The following TPCN1 variants were observed in gnomAD, a reference collection of about 807,000 sequenced individuals.
The protein encoded by TPCN1 is two pore channel protein 1.
In TPCN1, 52 loss-of-function variants were observed where a neutral mutation model predicts 108.8. That is an observed-to-expected ratio of 0.48 (90% CI 0.38 to 0.60). TPCN1 has a LOEUF of 0.60. Among genes scored for constraint, TPCN1 ranks in the 20% least tolerant of loss-of-function variants. TPCN1 has a pLI of 0.00. For missense variants in TPCN1, 806 were observed against 1,072.8 expected (o/e 0.75, Z 3.47); for synonymous variants, 446 against 433.7 (o/e 1.03, Z -0.35).
intron 14 of TPCN1, 68 bp downstream of exon 14, chr12:113,278,903 TA>T: frequency 1.4e-6 from 2 of 1,436,160 alleles, no homozygotes; most frequent in Non-Finnish European, 2.0e-6. Flanking sequence ...AGACCACAGA[TA>T]AGCGTCTGAG....
At chr12:113,252,681 A>G (rs776732665) in intron 2 of TPCN1, among the ~76,000 whole-genome samples, 3 of 152,202 alleles carry the variant, frequency 2.0e-5, no homozygotes, top group Non-Finnish European at 4.4e-5. Flanking sequence ...CGTGGAGGAC[A>G]GGGCATGGGC....
chr12:113,270,996 G>C (rs532000487), intron 7 of TPCN1, among the ~76,000 whole-genome samples: 1 of 152,128 alleles, frequency 6.6e-6, no homozygotes, highest in African/African-American at 2.4e-5. Flanking sequence ...GGTGTCCCAC[G>C]CTGATTGTCG....
In TPCN1 at chr12:113,297,885, G is replaced by A. The variant is rs1374909842; in HGVS notation, c.*1809G>A. 1 of 152,294 alleles carries A rather than the reference G, an allele frequency of 6.6e-6. No homozygotes were observed. Among genetic ancestry groups the A allele is most frequent in the East Asian group, 1.9e-4 (1 of 5,194 alleles). 9.4% of individuals were successfully genotyped at this position (152,294 alleles called of 1,614,324 possible). On this transcript the variant is annotated 3_prime_UTR_variant, in exon 28 of 28. Transcript: ENST00000335509. The surrounding 1 kb of genome is among the most constrained non-coding windows in gnomAD (Gnocchi z 4.4). ...TGGGCGTTTTGGAAGCAAGGGTCAG[G>A]GGACAGCTTCTAAAGGTGTGAGTCT...
At chr12:113,283,351 G>C (rs1955957593) in intron 15 of TPCN1, among the ~76,000 whole-genome samples, 2 of 152,202 alleles carry the variant, frequency 1.3e-5, no homozygotes, top group African/African-American at 4.8e-5. Flanking sequence ...ATGTAGAAAT[G>C]AGGCTGGGTG....
rs753779603 is a variant in TPCN1, at chr12:113,290,956, C to T, written c.1917C>T (p.Thr639=). 2 of 1,613,770 alleles carry T rather than the reference C, an allele frequency of 1.2e-6. No individual in the cohort carries two copies. Among genetic ancestry groups the T allele is most frequent in the African/African-American group, 1.3e-5 (1 of 75,016 alleles). Residue 639 remains threonine, a synonymous_variant, in exon 23 of 28, where the codon ACC becomes ACT. Coordinates refer to ENST00000335509, the MANE Select transcript of TPCN1 (RefSeq NM_017901.6). ...CTTTCTCTCTTCCCTCGGCAGTGAC[C>T]CTGTTTGAGCTCACAGTTGTCAACA... The part of the protein sequence containing the change: ...NFDNILNSFV[T]LFELTVVNNW...
chr12:113,260,375 C>T lies in TPCN1; in HGVS notation c.120C>T (p.Gly40=). ...TCTCCTCTTCCAATGCAGATGGCGG[C>T]AGCTATGCCATCCACGACTCCCAGG... The part of the protein sequence containing the change: ...GQEELPSKNG[G]SYAIHDSQAP... The change falls in exon 3 of 28, where the codon GGC becomes GGT. Residue 40 remains glycine, a synonymous_variant. Coordinates refer to ENST00000335509, the MANE Select transcript of TPCN1 (RefSeq NM_017901.6). 1 of 1,497,086 alleles carries T rather than the reference C, an allele frequency of 6.7e-7. No individual in the cohort carries two copies. The highest frequency in any genetic ancestry group is 8.9e-7 in the Non-Finnish European group (1 of 1,126,362). The allele number at this position is 1,497,086 out of a possible 1,614,324, so 92.7% of individuals were successfully genotyped here. A position where few individuals can be genotyped will look rare whatever the true frequency, so the allele number is the denominator to read the frequency against.
At chr12:113,235,293 T>C (rs947364649) in intron 2 of TPCN1, among the ~76,000 whole-genome samples, 22 of 152,224 alleles carry the variant, frequency 1.4e-4, no homozygotes, top group African/African-American at 5.3e-4. Context: ...TCCTGGTGAT[T>C]CTTTCCTTCT....
intron 2 of TPCN1, among the ~76,000 whole-genome samples, chr12:113,249,178 A>G (rs1954528944): frequency 6.6e-6 from 1 of 152,194 alleles, no homozygotes; most frequent in Non-Finnish European, 1.5e-5. Flanking sequence ...CTTGTGGCCC[A>G]TAAGAGTGCA....
rs764265737 is a variant in TPCN1 at position 113,278,255 on chromosome 12, A to G, written c.1233+18A>G. On this transcript the variant is annotated intron_variant, in intron 13 of 27. Transcript: ENST00000335509. ...AGTGGAAGGTGAGTTCTTCTCTGAG[A>G]CCATAGAAGGAGTAGACAGAGAGGT... 1 of 1,611,928 alleles carries G rather than the reference A, an allele frequency of 6.2e-7. No individual in the cohort carries two copies. The highest frequency in any genetic ancestry group is 2.2e-5 in the East Asian group (1 of 44,836).
Position 113,268,624 on chromosome 12 carries a change from AGAG to A in TPCN1, c.529-114_529-112del. The A allele has an allele frequency of 7.7e-7, 1 of 1,304,568 alleles. No individual in the cohort carries two copies. Among genetic ancestry groups the A allele is most frequent in the Non-Finnish European group, 1.1e-6 (1 of 946,052 alleles). The allele number at this position is 1,304,568 out of a possible 1,614,324, so 80.8% of individuals were successfully genotyped here. A position where few individuals can be genotyped will look rare whatever the true frequency, so the allele number is the denominator to read the frequency against. On this transcript the variant is annotated intron_variant, in intron 5 of 27. Transcript: ENST00000335509. The surrounding 1 kb of genome is among the most constrained non-coding windows in gnomAD (Gnocchi z 7.3). Reference sequence around the variant, plus strand: ...GGCAGGAAGTGTGAGAGGGCTGGAGAGAGGAGAAGGCCTCCCGAGGCCAGAGTG... The same window carrying A: ...GGCAGGAAGTGTGAGAGGGCTGGAGAGAGAAGGCCTCCCGAGGCCAGAGTG...
rs1309159961 is a variant in TPCN1 at position 113,296,825 on chromosome 12, G to C, written c.*749G>C. On this transcript the variant is annotated 3_prime_UTR_variant, in exon 28 of 28. Coordinates refer to ENST00000335509, the MANE Select transcript of TPCN1 (RefSeq NM_017901.6). ...GGGGACCCAGAACCCGGAGGAAGGG[G>C]CATGAGGCAGGAAGTGGGGCCGATG... The C allele has an allele frequency of 6.6e-6, 1 of 152,326 alleles. No individual in the cohort carries two copies. Among genetic ancestry groups the C allele is most frequent in the African/African-American group, 2.4e-5 (1 of 41,474 alleles). The allele number at this position is 152,326 out of a possible 1,614,324, so 9.4% of individuals were successfully genotyped here. A position where few individuals can be genotyped will look rare whatever the true frequency, so the allele number is the denominator to read the frequency against.
intron 25 of TPCN1, chr12:113,292,658 A>G (rs1413451090): frequency 5.5e-6 from 2 of 365,130 alleles, no homozygotes; most frequent in Non-Finnish European, 9.9e-6. Context: ...TCTCTGTGCT[A>G]TCAGACCATC....
intron 15 of TPCN1, 188 bp downstream of exon 15, chr12:113,280,383 C>T: frequency 2.1e-6 from 1 of 483,654 alleles, no homozygotes; most frequent in Non-Finnish European, 3.7e-6. Context: ...CCATCTGTAT[C>T]TTCACTCCGG....
At chr12:113,275,003 T>C (rs1351281594) in intron 10 of TPCN1, among the ~76,000 whole-genome samples, 1 of 152,224 alleles carries the variant, frequency 6.6e-6, no homozygotes, top group Admixed American at 6.5e-5. Context: ...TGTGGAGGTG[T>C]GGACAGCCTC....
At chr12:113,274,433 A>T (rs1280419309) in intron 10 of TPCN1, among the ~76,000 whole-genome samples, 1 of 152,066 alleles carries the variant, frequency 6.6e-6, no homozygotes, top group Non-Finnish European at 1.5e-5. Context: ...GGGCAACAGC[A>T]CGAGACTCTG....
intron 14 of TPCN1, among the ~76,000 whole-genome samples, chr12:113,279,658 C>T: frequency 6.6e-6 from 1 of 151,838 alleles, no homozygotes; most frequent in Non-Finnish European, 1.5e-5. Flanking sequence ...CCCACCTCGG[C>T]CTCCCAAAGG....
In TPCN1 at chr12:113,288,305, G is replaced by T; in HGVS notation, c.1706+71G>T. Reference sequence around the variant, plus strand: ...GCAGTGCCCCGTGGGGGCGGGAGCCGAGTGGCAGTCGGGGGAAAGGAGTTC... The same window carrying T: ...GCAGTGCCCCGTGGGGGCGGGAGCCTAGTGGCAGTCGGGGGAAAGGAGTTC... On this transcript the variant is annotated intron_variant, in intron 20 of 27. Transcript: ENST00000335509. This position sits in a 1 kb window ranked among gnomAD's most constrained non-coding sequence, Gnocchi z 4.8. 1.2e-6 allele frequency: 2 copies of T among 1,604,752 alleles called. No individual in the cohort carries two copies. Among genetic ancestry groups the T allele is most frequent in the East Asian group, 2.3e-5 (1 of 44,422 alleles).
chr12:113,292,972 G>A lies in TPCN1; in HGVS notation c.2152G>A (p.Glu718Lys). 6.2e-7 allele frequency: 1 copy of A among 1,613,320 alleles called. No individual in the cohort carries two copies. The change falls in exon 26 of 28, where the codon GAA becomes AAA. Residue 718 changes from glutamate to lysine, a missense_variant. Coordinates refer to ENST00000335509, the MANE Select transcript of TPCN1 (RefSeq NM_017901.6). ...CACCCTTGAGAAGGAAATCTCCAAAGAAGAGCTGGTTGCCGTCCTGGAGCT... is the reference window on the plus strand; with the variant it reads ...CACCCTTGAGAAGGAAATCTCCAAAAAAGAGCTGGTTGCCGTCCTGGAGCT... ...GITLEKEISK[E>K]ELVAVLELYR...
At chr12:113,281,109 T>C (rs1287440278) in intron 15 of TPCN1, among the ~76,000 whole-genome samples, 2 of 152,130 alleles carry the variant, frequency 1.3e-5, no homozygotes, top group East Asian at 3.8e-4. Context: ...GCGTAATCTG[T>C]GCTCACTGCA....
Sources: gnomAD v4.1 joint callset for allele counts (sites outside exome capture counted in the v4.1 genomes callset) on GRCh38, gnomAD v4.1.1 for gene constraint, Gnocchi (gnomAD v3.1) non-coding constraint, MANE v1.5 for transcripts, NCBI Gene and HGNC (gene_info 2026-07-23, HGNC 2026-07-21) for gene names.